The following ARID3B variants were observed in gnomAD, a reference collection of about 807,000 sequenced individuals.
ARID3B encodes AT-rich interaction domain 3B.
A neutral mutation model predicts 51.9 loss-of-function variants in ARID3B; 10 were observed. The observed-to-expected ratio is 0.19, with a 90% CI of 0.12 to 0.33. The LOEUF (loss-of-function observed/expected upper bound fraction) is 0.33. ARID3B is among the 10% of genes least tolerant of loss of function. ARID3B has a pLI of 1.00. For synonymous variants in ARID3B, 205 were observed against 279.5 expected, an observed-to-expected ratio of 0.73 and a Z score of 2.66; for missense variants, 483 against 716.3, an observed-to-expected ratio of 0.67 and a Z score of 3.72.
rs367946107 is a variant in ARID3B, at chr15:74,559,153, TC to T, written c.553-13708del. Among the ~76,000 whole-genome samples, 1,173 of 152,302 alleles carry T rather than the reference TC, an allele frequency of 7.7e-3. 8 individuals carry two copies. The highest frequency in any genetic ancestry group is 0.027 in the African/African-American group (1,128 of 41,552). On this transcript the variant is annotated intron_variant, in intron 2 of 8. Transcript: ENST00000346246. Reference sequence around the variant, plus strand: ...TTGGGGTTGATTCAGTCTCCAGCTCTCAGTTCAGCACTCGGCTCTTAAGAAC... The same window carrying T: ...TTGGGGTTGATTCAGTCTCCAGCTCTAGTTCAGCACTCGGCTCTTAAGAAC...
Position 74,573,271 on chromosome 15 carries a change from C to A in ARID3B, c.697+67C>A. ...GATAGAGTGCCTACTGTGTGCTAGTCACTGTTAGACATCCTGGCCCACTAA... is the reference window on the plus strand; with the variant it reads ...GATAGAGTGCCTACTGTGTGCTAGTAACTGTTAGACATCCTGGCCCACTAA... On this transcript the variant is annotated intron_variant, in intron 4 of 8. Coordinates refer to ENST00000346246, the MANE Select transcript of ARID3B (RefSeq NM_006465.4). 2.7e-6 allele frequency: 4 copies of A among 1,492,650 alleles called. No homozygotes were observed. The South Asian group carries it at 3.4e-5, about 13-fold the overall frequency. The allele number at this position is 1,492,650 out of a possible 1,614,324, so 92.5% of individuals were successfully genotyped here. A position where few individuals can be genotyped will look rare whatever the true frequency, so the allele number is the denominator to read the frequency against.
chr15:74,597,788 G>T lies in ARID3B; in HGVS notation c.*2014G>T. On this transcript the variant is annotated 3_prime_UTR_variant, in exon 9 of 9. Transcript: ENST00000346246. ...TCCTCTCCCTTTCCCCAGGCAGCTCGCCTGGCCACACCGTTGGAGTGAACC... is the reference window on the plus strand; with the variant it reads ...TCCTCTCCCTTTCCCCAGGCAGCTCTCCTGGCCACACCGTTGGAGTGAACC... The T allele has an allele frequency of 2.2e-6, 1 of 460,594 alleles. No individual in the cohort carries two copies. Among genetic ancestry groups the T allele is most frequent in the Non-Finnish European group, 4.2e-6 (1 of 239,082 alleles). 28.5% of individuals were successfully genotyped at this position (460,594 alleles called of 1,614,324 possible).
intron 4 of ARID3B, among the ~76,000 whole-genome samples, chr15:74,583,958 A>C (rs990387454): frequency 1.3e-5 from 2 of 152,176 alleles, no homozygotes; most frequent in Admixed American, 1.3e-4. Flanking sequence ...GCTGCACGGC[A>C]GACTACCAGA....
chr15:74,555,793 T>C (rs1476033692), intron 2 of ARID3B, among the ~76,000 whole-genome samples: 2 of 142,382 alleles, frequency 1.4e-5, no homozygotes, highest in African/African-American at 5.3e-5. Flanking sequence ...TTTCTTTTTT[T>C]TTTTTTTTTT....
At chr15:74,541,704 G>A (rs1468575749) in intron 1 of ARID3B, among the ~76,000 whole-genome samples, 1 of 151,982 alleles carries the variant, frequency 6.6e-6, no homozygotes, top group Non-Finnish European at 1.5e-5. Flanking sequence ...GGCGTGCAGG[G>A]GTGACCGGGA....
intron 2 of ARID3B, among the ~76,000 whole-genome samples, chr15:74,558,151 T>C (rs1352026013): frequency 2.0e-5 from 3 of 150,722 alleles, no homozygotes; most frequent in South Asian, 2.1e-4. Flanking sequence ...CTTGGGTCTC[T>C]GTCTGCTCCT....
intron 8 of ARID3B, 143 bp from the exon 9 acceptor site, chr15:74,595,468 G>C: frequency 4.5e-6 from 4 of 895,668 alleles, no homozygotes. Flanking sequence ...GACAGCATTT[G>C]GATCTTCTCC....
intron 4 of ARID3B, among the ~76,000 whole-genome samples, chr15:74,579,548 A>G (rs975977639): frequency 1.3e-5 from 2 of 152,144 alleles, no homozygotes; most frequent in Non-Finnish European, 2.9e-5. Context: ...GATTGTGTCT[A>G]TCGAGCTACC....
At chr15:74,587,537 C>T (rs1184908728) in intron 4 of ARID3B, among the ~76,000 whole-genome samples, 2 of 152,154 alleles carry the variant, frequency 1.3e-5, no homozygotes, top group Non-Finnish European at 2.9e-5. Context: ...GTAAACGGGT[C>T]ACACGTGTGA....
chr15:74,545,498 A>T (rs150002371), intron 2 of ARID3B, among the ~76,000 whole-genome samples: 1 of 152,166 alleles, frequency 6.6e-6, no homozygotes, highest in African/African-American at 2.4e-5. Context: ...TTTGTTTTCA[A>T]CCAAGCCTCT....
At position 74,591,274 on chromosome 15, in the gene ARID3B, C is replaced by G. The variant is rs146340798; in HGVS notation, c.1005C>G (p.Leu335=). ...EGRRPSYSSS[L]FGYSPAAATA... is the part of the protein sequence containing the mutation. ...GGCGGCCCAGCTACAGCTCCTCCCT[C>G]TTTGGCTACTCACCTGCTGCGGCTA... The change falls in exon 6 of 9, where the codon CTC becomes CTG. Residue 335 remains leucine (L), a synonymous_variant. Transcript: ENST00000346246. This position sits in a 1 kb window ranked among gnomAD's most constrained non-coding sequence, Gnocchi z 5.8. 1.1e-5 allele frequency: 18 copies of G among 1,613,916 alleles called. No individual in the cohort carries two copies. In the African/African-American group the frequency reaches 2.1e-4, roughly 19 times the overall value.
intron 4 of ARID3B, among the ~76,000 whole-genome samples, chr15:74,581,933 A>G (rs535296457): frequency 6.6e-6 from 1 of 152,256 alleles, no homozygotes; most frequent in South Asian, 2.1e-4. Flanking sequence ...CACCATGGGG[A>G]AGTTCTGCTG....
chr15:74,566,011 C>T (rs2061696744), intron 2 of ARID3B, among the ~76,000 whole-genome samples: 1 of 152,146 alleles, frequency 6.6e-6, no homozygotes, highest in Non-Finnish European at 1.5e-5. Flanking sequence ...ACATACCTTT[C>T]TCACTATAAG....
chr15:74,591,718 T>G lies in ARID3B; in HGVS notation c.1324T>G (p.Ser442Ala). Residue 442 changes from serine (S) to alanine (A), a missense_variant, in exon 7 of 9, where the codon TCT (serine) becomes GCT (alanine). Coordinates refer to ENST00000346246, the MANE Select transcript of ARID3B (RefSeq NM_006465.4). This position sits in a 1 kb window ranked among gnomAD's most constrained non-coding sequence, Gnocchi z 5.8. Reference protein sequence around the residue: ...EPAEKKASRLSEEEQRLVQQA... With the variant: ...EPAEKKASRLAEEEQRLVQQA... ...TGCTGAGAAGAAGGCATCGAGGCTG[T>G]CTGAGGAGGAGCAGCGCCTGGTGCA... is the stretch of plus-strand genomic sequence containing the variant. 1 of 1,614,102 alleles carries G rather than the reference T, an allele frequency of 6.2e-7. No individual in the cohort carries two copies. The highest frequency in any genetic ancestry group is 1.1e-5 in the South Asian group (1 of 91,076).
intron 1 of ARID3B, 42 bp from the exon 2 acceptor site, chr15:74,543,818 T>C: frequency 7.3e-7 from 1 of 1,363,352 alleles, no homozygotes; most frequent in Non-Finnish European, 1.0e-6. Flanking sequence ...AACATGGTTG[T>C]TTTTTCCCCC....
At chr15:74,560,195 A>G (rs1390630911) in intron 2 of ARID3B, among the ~76,000 whole-genome samples, 2 of 150,880 alleles carry the variant, frequency 1.3e-5, no homozygotes, top group Non-Finnish European at 3.0e-5. Flanking sequence ...ACAGAGCAAG[A>G]CTGTCTCAAA....
chr15:74,557,953 C>T (rs993475416), intron 2 of ARID3B, among the ~76,000 whole-genome samples: 1 of 151,424 alleles, frequency 6.6e-6, no homozygotes, highest in Admixed American at 6.6e-5. Context: ...TCCTGAGTAG[C>T]TGGGACTACA....
At chr15:74,555,786 C>CTTTTTTTTTTT (rs869243539) in intron 2 of ARID3B, among the ~76,000 whole-genome samples, 2 of 95,116 alleles carry the variant, frequency 2.1e-5, no homozygotes, top group Non-Finnish European at 3.9e-5. Flanking sequence ...AGCTGTATTT[C>CTTTTTTTTTTT]TTTTTTTTTT....
At chr15:74,572,149 A>G (rs1263044747) in intron 2 of ARID3B, among the ~76,000 whole-genome samples, 1 of 152,160 alleles carries the variant, frequency 6.6e-6, no homozygotes, top group Non-Finnish European at 1.5e-5. Flanking sequence ...CTGATTAAAG[A>G]TAGGAAGCAA....
Sources: allele counts gnomAD v4.1 joint callset (sites outside exome capture counted in the v4.1 genomes callset), GRCh38; gene constraint gnomAD v4.1.1; non-coding constraint Gnocchi (gnomAD v3.1); transcripts MANE v1.5; gene names NCBI Gene and HGNC (gene_info 2026-07-23, HGNC 2026-07-21).